BCAS3: variants seen among roughly 807,000 people sequenced by gnomAD.
BCAS3 encodes the protein BCAS4/BCAS3 fusion.
In BCAS3, 53 loss-of-function variants were observed where a neutral mutation model predicts 116.1. The ratio of observed to expected loss-of-function variants is 0.46; its 90% CI spans 0.37 to 0.57. The LOEUF is 0.57. BCAS3 is among the 20% of genes least tolerant of loss of function. The pLI is 0.00. For missense variants in BCAS3, 917 were observed against 1,165.4 expected (o/e 0.79, Z 3.10); for synonymous variants, 391 against 408.2 (o/e 0.96, Z 0.51).
At chr17:61,011,959 A>G (rs947188739) in intron 15 of BCAS3, among the ~76,000 whole-genome samples, 3 of 152,018 alleles carry the variant, frequency 2.0e-5, no homozygotes, top group African/African-American at 7.2e-5. Context: ...GATGTTATTT[A>G]TACATTTCTC....
At chr17:60,827,238 T>C (rs564743931) in intron 7 of BCAS3, among the ~76,000 whole-genome samples, 1 of 152,386 alleles carries the variant, frequency 6.6e-6, no homozygotes, top group South Asian at 2.1e-4. Context: ...TTTTCAAGTA[T>C]TGATTACATC....
intron 7 of BCAS3, chr17:60,811,411 G>A (rs1225167718): frequency 1.6e-6 from 1 of 614,998 alleles, no homozygotes; most frequent in African/African-American, 1.8e-5. Flanking sequence ...CCAGGATAGT[G>A]GATGGCAAAG....
intron 22 of BCAS3, among the ~76,000 whole-genome samples, chr17:61,284,433 C>G (rs530879183): frequency 6.6e-6 from 1 of 152,298 alleles, no homozygotes; most frequent in African/African-American, 2.4e-5. Flanking sequence ...GGAAGAAACA[C>G]TGGACACATC....
At position 61,307,372 on chromosome 17, in the gene BCAS3, G is replaced by T. The variant is rs897764423; in HGVS notation, c.2426-60955G>T. On this transcript the variant is annotated intron_variant, in intron 22 of 23. Coordinates refer to ENST00000407086, the MANE Select transcript of BCAS3 (RefSeq NM_017679.5). The surrounding 1 kb of genome is among the most constrained non-coding windows in gnomAD (Gnocchi z 4.7). Reference sequence around the variant, plus strand: ...CTACTTTTACTAGAGTTTACTAGAGGTTTCCTCAAGTTCCTTGAGCATAAT... The same window carrying T: ...CTACTTTTACTAGAGTTTACTAGAGTTTTCCTCAAGTTCCTTGAGCATAAT... Among the ~76,000 whole-genome samples the T allele has an allele frequency of 6.6e-6, 1 of 152,186 alleles. No homozygotes were observed. Among genetic ancestry groups the T allele is most frequent in the Admixed American group, 6.5e-5 (1 of 15,284 alleles).
chr17:60,750,560 T>C (rs1405564535), intron 6 of BCAS3, among the ~76,000 whole-genome samples: 1 of 152,232 alleles, frequency 6.6e-6, no homozygotes, highest in Non-Finnish European at 1.5e-5. Flanking sequence ...ATTGTGTACA[T>C]AGAAAATGCA....
At chr17:60,758,724 G>A (rs1284561799) in intron 6 of BCAS3, among the ~76,000 whole-genome samples, 1 of 152,092 alleles carries the variant, frequency 6.6e-6, no homozygotes, top group East Asian at 1.9e-4. Flanking sequence ...TTGCTTATTT[G>A]AAAGTTTTCT....
chr17:60,860,039 G>T (rs1019909206), intron 7 of BCAS3, among the ~76,000 whole-genome samples: 1 of 152,146 alleles, frequency 6.6e-6, no homozygotes, highest in Non-Finnish European at 1.5e-5. Context: ...GTCCTGTGTT[G>T]AATGGTAATT....
intron 22 of BCAS3, among the ~76,000 whole-genome samples, chr17:61,137,437 A>G (rs567376673): frequency 1.5e-3 from 231 of 152,380 alleles, no homozygotes; most frequent in African/African-American, 4.0e-3. Flanking sequence ...AAATATGAGC[A>G]ATTTCTAAAT....
At chr17:60,787,370 T>A (rs940090224) in intron 6 of BCAS3, among the ~76,000 whole-genome samples, 2 of 152,200 alleles carry the variant, frequency 1.3e-5, no homozygotes, top group Admixed American at 1.3e-4. Flanking sequence ...GCTTTTGATG[T>A]TGTTGCATAC....
rs1487530535 is a variant in BCAS3, at chr17:61,279,383, G to C, written c.2426-88944G>C. 1.3e-5 allele frequency among the ~76,000 whole-genome samples: 2 copies of C among 151,932 alleles called. No individual in the cohort carries two copies. The highest frequency in any genetic ancestry group is 1.3e-4 in the Admixed American group (2 of 15,264). On this transcript the variant is annotated intron_variant, in intron 22 of 23. Coordinates refer to ENST00000407086, the MANE Select transcript of BCAS3 (RefSeq NM_017679.5). The surrounding 1 kb of genome is among the most constrained non-coding windows in gnomAD (Gnocchi z 4.4). ...TCGCTTCTTTCTTCTCTTTCCATCAGTCAGTGATGCCCTTTGTGGGCAGGT... is the reference window on the plus strand; with the variant it reads ...TCGCTTCTTTCTTCTCTTTCCATCACTCAGTGATGCCCTTTGTGGGCAGGT...
chr17:61,260,535 C>G (rs191703575), intron 22 of BCAS3, among the ~76,000 whole-genome samples: 3 of 152,310 alleles, frequency 2.0e-5, no homozygotes, highest in African/African-American at 7.2e-5. Flanking sequence ...GCTGACAACT[C>G]TCTTCCTGTT....
At chr17:60,845,626 A>G (rs576736617) in intron 7 of BCAS3, among the ~76,000 whole-genome samples, 1 of 152,314 alleles carries the variant, frequency 6.6e-6, no homozygotes, top group African/African-American at 2.4e-5. Flanking sequence ...AATGAATAAT[A>G]TACTATTATT....
At position 61,202,468 on chromosome 17, in the gene BCAS3, T is replaced by C. The variant is rs150826551; in HGVS notation, c.2425+117904T>C. Among the ~76,000 whole-genome samples, 202 of 152,270 alleles carry C rather than the reference T, an allele frequency of 1.3e-3. 4 individuals are homozygous for C. In the East Asian group the frequency reaches 0.034, roughly 25 times the overall value. ...TTAACACTCTCAACAAAGAGTTTAC[T>C]TTCCTTTTTCCCCTCCTCATTTTCT... is the stretch of plus-strand genomic sequence containing the variant. On this transcript the variant is annotated intron_variant, in intron 22 of 23. Transcript: ENST00000407086.
At position 61,349,241 on chromosome 17, in the gene BCAS3, C is replaced by G. The variant is rs903916196; in HGVS notation, c.2426-19086C>G. On this transcript the variant is annotated intron_variant, in intron 22 of 23. Coordinates refer to ENST00000407086, the MANE Select transcript of BCAS3 (RefSeq NM_017679.5). The surrounding 1 kb of genome is among the most constrained non-coding windows in gnomAD (Gnocchi z 4.7). Reference sequence around the variant, plus strand: ...TCTCATGAGGGAAGTCTGGGAGTGACTCCAGACCATAGGTTCTTTCCAACT... The same window carrying G: ...TCTCATGAGGGAAGTCTGGGAGTGAGTCCAGACCATAGGTTCTTTCCAACT... Among the ~76,000 whole-genome samples the G allele has an allele frequency of 6.6e-6, 1 of 152,276 alleles. No homozygotes were observed. The highest frequency in any genetic ancestry group is 2.4e-5 in the African/African-American group (1 of 41,552).
chr17:60,914,261 A>T (rs1599647303), intron 12 of BCAS3, among the ~76,000 whole-genome samples: 3 of 152,304 alleles, frequency 2.0e-5, no homozygotes, highest in Admixed American at 2.0e-4. Context: ...TTAATGGTTT[A>T]ATGTTTTAGG....
rs968585469 is a variant in BCAS3, at chr17:61,348,745, G to T, written c.2426-19582G>T. Among the ~76,000 whole-genome samples, 1 of 140,306 alleles carries T rather than the reference G, an allele frequency of 7.1e-6. No individual in the cohort carries two copies. The highest frequency in any genetic ancestry group is 1.5e-5 in the Non-Finnish European group (1 of 65,818). 92.0% of individuals were successfully genotyped at this position (140,306 alleles called of 152,430 possible). A position where few individuals can be genotyped will look rare whatever the true frequency, so the allele number is the denominator to read the frequency against. On this transcript the variant is annotated intron_variant, in intron 22 of 23. Transcript: ENST00000407086. This position sits in a 1 kb window ranked among gnomAD's most constrained non-coding sequence, Gnocchi z 4.5. ...TCACGTGCTTCTTGCAACCTCTTGGGCAGAGATTCTTTTTTTTTTTTTTTT... is the reference window on the plus strand; with the variant it reads ...TCACGTGCTTCTTGCAACCTCTTGGTCAGAGATTCTTTTTTTTTTTTTTTT...
intron 22 of BCAS3, among the ~76,000 whole-genome samples, chr17:61,269,359 C>A (rs976519471): frequency 6.6e-6 from 1 of 152,284 alleles, no homozygotes; most frequent in African/African-American, 2.4e-5. Context: ...AAGTAATCCA[C>A]CTGCCTCGAC....
chr17:60,771,563 T>TA (rs61693167), intron 6 of BCAS3, among the ~76,000 whole-genome samples: 5 of 152,230 alleles, frequency 3.3e-5, no homozygotes, highest in African/African-American at 9.6e-5. Flanking sequence ...CTTTTTTTTT[T>TA]AATTATACTT....
At chr17:60,779,661 G>A (rs1489789779) in intron 6 of BCAS3, among the ~76,000 whole-genome samples, 2 of 152,132 alleles carry the variant, frequency 1.3e-5, no homozygotes, top group Non-Finnish European at 2.9e-5. Context: ...GAGCCATCGC[G>A]CCCGGCAGAA....
Sources: gnomAD v4.1 joint callset for allele counts (sites outside exome capture counted in the v4.1 genomes callset) on GRCh38, gnomAD v4.1.1 for gene constraint, Gnocchi (gnomAD v3.1) non-coding constraint, MANE v1.5 for transcripts, NCBI Gene and HGNC (gene_info 2026-07-23, HGNC 2026-07-21) for gene names.